The following TSNARE1 variants were observed in gnomAD, a reference collection of about 807,000 sequenced individuals.
TSNARE1 encodes t-SNARE domain-containing protein 1.
TSNARE1 carries 49 observed loss-of-function variants against 62.0 expected under a neutral mutation model. The observed-to-expected ratio is 0.79, with a 90% CI of 0.63 to 1.00. The LOEUF is 1.00. Ranked by LOEUF, TSNARE1 falls within the 50% of genes least tolerant of loss-of-function variation. TSNARE1 has a pLI of 0.00. For synonymous variants in TSNARE1, 328 were observed against 294.4 expected, an observed-to-expected ratio of 1.11 and a Z score of -1.17; for missense variants, 755 against 700.1, an observed-to-expected ratio of 1.08 and a Z score of -0.88.
chr8:142,325,094 C>T (rs1267089445), intron 6 of TSNARE1, among the ~76,000 whole-genome samples: 3 of 152,236 alleles, frequency 2.0e-5, no homozygotes, highest in African/African-American at 7.2e-5. Context: ...GTGCACAGAC[C>T]CAGGGACCGC....
chr8:142,241,441 G>A (rs1319849528), intron 12 of TSNARE1, among the ~76,000 whole-genome samples: 1 of 152,106 alleles, frequency 6.6e-6, no homozygotes, highest in Non-Finnish European at 1.5e-5. Context: ...ACTATGCAAG[G>A]CAATATACAG....
chr8:142,331,923 C>A, intron 4 of TSNARE1, 92 bp from the exon 5 acceptor site: 1 of 1,283,388 alleles, frequency 7.8e-7, no homozygotes, highest in South Asian at 1.3e-5. Context: ...CCCCCAGGGG[C>A]AGGGACCCGA....
At chr8:142,236,959 C>G (rs1157081663) in intron 12 of TSNARE1, among the ~76,000 whole-genome samples, 3 of 152,190 alleles carry the variant, frequency 2.0e-5, no homozygotes, top group African/African-American at 4.8e-5. Flanking sequence ...GCGTCACTGC[C>G]AAGGTGACTT....
intron 12 of TSNARE1, among the ~76,000 whole-genome samples, chr8:142,244,482 C>T (rs1817795482): frequency 6.6e-6 from 1 of 152,144 alleles, no homozygotes; most frequent in Admixed American, 6.5e-5. Context: ...CGTCAGTAAA[C>T]AGAGTGATAT....
At chr8:142,391,679 C>A (rs1267993705) in intron 1 of TSNARE1, among the ~76,000 whole-genome samples, 4 of 152,236 alleles carry the variant, frequency 2.6e-5, no homozygotes, top group African/African-American at 9.6e-5. Context: ...CTGGTCCAGC[C>A]GCAGCCTTGC....
Position 142,251,949 on chromosome 8 carries a change from G to A in TSNARE1, c.1447-22370C>T, listed in dbSNP as rs369841813. ...TGCAGGGCCCGGGCACCATGTACCCGCCGCCCATGTTCTCTGTCTTCAGGG... is the reference window on the plus strand; with the variant it reads ...TGCAGGGCCCGGGCACCATGTACCCACCGCCCATGTTCTCTGTCTTCAGGG... On this transcript the variant is annotated intron_variant, in intron 12 of 13. Transcript: ENST00000524325. 1.7e-3 allele frequency among the ~76,000 whole-genome samples: 231 copies of A among 135,330 alleles called. 3 individuals are homozygous for A. Among genetic ancestry groups the A allele is most frequent in the South Asian group, 0.016 (64 of 3,996 alleles). 88.8% of individuals were successfully genotyped at this position (135,330 alleles called of 152,430 possible).
chr8:142,221,841 T>C (rs1816260191), intron 13 of TSNARE1, among the ~76,000 whole-genome samples: 1 of 138,480 alleles, frequency 7.2e-6, no homozygotes, highest in Non-Finnish European at 1.6e-5. Context: ...ACTCATCCAC[T>C]CATTCACTCA....
chr8:142,274,241 T>C, intron 12 of TSNARE1: 13 of 985,354 alleles, frequency 1.3e-5, no homozygotes, highest in Non-Finnish European at 1.6e-5. Flanking sequence ...TGGGCCACAG[T>C]CTCCAGCCAG....
At chr8:142,369,254 T>C (rs763546272) in intron 1 of TSNARE1, among the ~76,000 whole-genome samples, 1 of 152,170 alleles carries the variant, frequency 6.6e-6, no homozygotes, top group Non-Finnish European at 1.5e-5. Context: ...TCCAGAGGAA[T>C]CTGCAGCCAG....
At chr8:142,315,498 T>C (rs28469189) in intron 7 of TSNARE1, among the ~76,000 whole-genome samples, 34,708 of 152,186 alleles carry the variant, frequency 0.23, 4,541 homozygotes, top group African/African-American at 0.35. Flanking sequence ...CTCGCCTGTA[T>C]CTGGGCTCCC....
intron 2 of TSNARE1, among the ~76,000 whole-genome samples, chr8:142,347,118 G>C (rs1400609491): frequency 6.6e-6 from 1 of 152,212 alleles, no homozygotes; most frequent in African/African-American, 2.4e-5. Context: ...GGCCCTGGTG[G>C]GGGGAAGAGG....
intron 10 of TSNARE1, 63 bp from the exon 11 acceptor site, chr8:142,284,548 G>C (rs1427638306): frequency 1.0e-5 from 13 of 1,296,476 alleles, no homozygotes; most frequent in Non-Finnish European, 1.3e-5. Context: ...AAGGGCACCT[G>C]AAAGTTTCCC....
chr8:142,274,737 G>T, intron 12 of TSNARE1, 44 bp downstream of exon 12: 1 of 1,452,916 alleles, frequency 6.9e-7, no homozygotes, highest in South Asian at 1.4e-5. Flanking sequence ...GATAGGGGAC[G>T]GAGGCCGGGC....
intron 4 of TSNARE1, among the ~76,000 whole-genome samples, chr8:142,338,080 A>G (rs1305259481): frequency 6.6e-6 from 1 of 152,186 alleles, no homozygotes; most frequent in Non-Finnish European, 1.5e-5. Context: ...AACACTCCAT[A>G]AAACAAAACG....
intron 12 of TSNARE1, among the ~76,000 whole-genome samples, chr8:142,260,676 T>G (rs904755559): frequency 6.6e-6 from 1 of 151,508 alleles, no homozygotes; most frequent in Non-Finnish European, 1.5e-5. Flanking sequence ...GTCGGCTGAG[T>G]CCCCCGGGAA....
chr8:142,403,132 C>T lies in TSNARE1; in HGVS notation c.-68G>A, dbSNP rs1293169174. The T allele has an allele frequency of 6.7e-6, 1 of 148,748 alleles. No homozygotes were observed. The highest frequency in any genetic ancestry group is 1.5e-5 in the Non-Finnish European group (1 of 66,556). 9.2% of individuals were successfully genotyped at this position (148,748 alleles called of 1,614,324 possible). On this transcript the variant is annotated 5_prime_UTR_variant, in exon 1 of 14. Coordinates refer to ENST00000524325, the MANE Select transcript of TSNARE1 (RefSeq NM_145003.5). ...GGCCTCGGTGGCTCGCGGACCGCTC[C>T]GGGCGCTCACGGCGGGCGAGGCGGG... is the stretch of plus-strand genomic sequence containing the variant.
At chr8:142,218,244 G>A (rs1816031411) in intron 13 of TSNARE1, among the ~76,000 whole-genome samples, 1 of 74,032 alleles carries the variant, frequency 1.4e-5, no homozygotes, top group African/African-American at 6.4e-5. Context: ...TCTGGGTTCA[G>A]TGTGACCGGG....
At chr8:142,310,683 G>A (rs1214712120) in intron 9 of TSNARE1, among the ~76,000 whole-genome samples, 1 of 152,192 alleles carries the variant, frequency 6.6e-6, no homozygotes, top group Non-Finnish European at 1.5e-5. Flanking sequence ...TTTCTTCTAA[G>A]AAAGTCAGGT....
intron 13 of TSNARE1, among the ~76,000 whole-genome samples, chr8:142,220,523 G>T (rs1436154718): frequency 6.6e-6 from 1 of 152,100 alleles, no homozygotes; most frequent in Non-Finnish European, 1.5e-5. Flanking sequence ...GCAGGGTCAG[G>T]CCCGGGTGGC....
Sources: allele counts gnomAD v4.1 joint callset (sites outside exome capture counted in the v4.1 genomes callset), GRCh38; gene constraint gnomAD v4.1.1; transcripts MANE v1.5; gene names NCBI Gene and HGNC (gene_info 2026-07-23, HGNC 2026-07-21).